Variants in TMEM17 observed in about 807,000 individuals in gnomAD.
The protein encoded by TMEM17 is transmembrane protein 17.
A neutral mutation model predicts 19.1 loss-of-function variants in TMEM17; 15 were observed. The observed-to-expected ratio is 0.78, with a 90% CI of 0.52 to 1.21. The LOEUF is 1.21. Among genes scored for constraint, TMEM17 ranks in the 50% most tolerant of loss-of-function variants. The pLI is 0.00. For missense variants in TMEM17, 245 were observed against 242.3 expected (o/e 1.01, Z -0.07); for synonymous variants, 103 against 86.9 (o/e 1.19, Z -1.03).
At chr2:62,477,119 G>A in the TMEM17 span, among the ~76,000 whole-genome samples, 14 of 152,146 alleles carry the variant, frequency 9.2e-5, no homozygotes, top group African/African-American at 3.1e-4. Flanking sequence ...TCTCACAGCC[G>A]GGAGCAGTGG....
chr2:62,484,461 A>G, the TMEM17 span, among the ~76,000 whole-genome samples: 1 of 152,220 alleles, frequency 6.6e-6, no homozygotes, highest in South Asian at 2.1e-4. Context: ...GAGACTGCTG[A>G]GCATTTGAAA....
At chr2:62,487,486 T>C in the TMEM17 span, among the ~76,000 whole-genome samples, 1 of 152,224 alleles carries the variant, frequency 6.6e-6, no homozygotes, top group Non-Finnish European at 1.5e-5. Flanking sequence ...GGGATTAGGA[T>C]GTAGACATCT....
At chr2:62,480,748 T>C in the TMEM17 span, among the ~76,000 whole-genome samples, 2 of 152,252 alleles carry the variant, frequency 1.3e-5, no homozygotes, top group African/African-American at 4.8e-5. Context: ...CTAGGTTCTC[T>C]ATTCTGTGCC....
At chr2:62,454,727 G>T in the TMEM17 span, among the ~76,000 whole-genome samples, 1 of 152,134 alleles carries the variant, frequency 6.6e-6, no homozygotes, top group African/African-American at 2.4e-5. Context: ...ATTTTGAGAT[G>T]GAGTCTCACT....
the TMEM17 span, among the ~76,000 whole-genome samples, chr2:62,492,469 A>C: frequency 6.6e-6 from 1 of 152,238 alleles, no homozygotes; most frequent in East Asian, 1.9e-4. Context: ...CATTTATCTT[A>C]ACGTAAAAGT....
the TMEM17 span, among the ~76,000 whole-genome samples, chr2:62,455,338 C>T: frequency 6.6e-6 from 1 of 152,210 alleles, no homozygotes; most frequent in African/African-American, 2.4e-5. Flanking sequence ...ACTGCAAATA[C>T]CACATTTTCA....
At chr2:62,454,684 G>A in the TMEM17 span, among the ~76,000 whole-genome samples, 1 of 152,118 alleles carries the variant, frequency 6.6e-6, no homozygotes, top group Non-Finnish European at 1.5e-5. Flanking sequence ...AAAAAACCCA[G>A]CTTTATTTAT....
the TMEM17 span, among the ~76,000 whole-genome samples, chr2:62,478,045 C>CT: frequency 5.9e-5 from 9 of 152,186 alleles, no homozygotes; most frequent in African/African-American, 2.2e-4. Context: ...AGGATCTCTA[C>CT]TTACTGTTTC....
At chr2:62,485,014 T>G in the TMEM17 span, among the ~76,000 whole-genome samples, 1 of 152,386 alleles carries the variant, frequency 6.6e-6, no homozygotes, top group African/African-American at 2.4e-5. Context: ...CTCAGCTTAC[T>G]GCAACCTCCG....
In TMEM17 at chr2:62,502,788, T is replaced by G; in HGVS notation, c.107A>C (p.Glu36Ala). The change falls in exon 2 of 4, where the codon GAA becomes GCA. Residue 36 changes from glutamate (E) to alanine (A), a missense_variant. By Grantham distance (107) the Glu-to-Ala change is moderately radical. Transcript: ENST00000335390. Reference protein sequence around the residue: ...GPESNEGPENEMVSSLALQMS... With the variant: ...GPESNEGPENAMVSSLALQMS... The stretch of plus-strand genomic sequence containing the variant: ...CTGCAGTGCCAAACTGGAGACCATT[T>G]CATTTTCTACAGAAGGAACAGAAAA... 6.3e-7 allele frequency: 1 copy of G among 1,596,606 alleles called. No individual in the cohort carries two copies. Among genetic ancestry groups the G allele is most frequent in the Non-Finnish European group, 8.5e-7 (1 of 1,172,032 alleles).
At chr2:62,456,224 G>C in the TMEM17 span, among the ~76,000 whole-genome samples, 4 of 152,238 alleles carry the variant, frequency 2.6e-5, no homozygotes, top group Non-Finnish European at 5.9e-5. Context: ...TTCTCTTTCA[G>C]TTCTGCAGAT....
At chr2:62,481,921 C>G in the TMEM17 span, among the ~76,000 whole-genome samples, 4 of 152,150 alleles carry the variant, frequency 2.6e-5, no homozygotes, top group Non-Finnish European at 4.4e-5. Flanking sequence ...GGATAGAAAT[C>G]AGTGTCAGTT....
chr2:62,462,071 T>G, the TMEM17 span, among the ~76,000 whole-genome samples: 1 of 152,206 alleles, frequency 6.6e-6, no homozygotes, highest in African/African-American at 2.4e-5. Context: ...CTCAGTGTTT[T>G]CAGCCTGTGG....
the TMEM17 span, among the ~76,000 whole-genome samples, chr2:62,460,911 T>C: frequency 6.6e-6 from 1 of 152,158 alleles, no homozygotes; most frequent in Non-Finnish European, 1.5e-5. Flanking sequence ...GTGCAGGAGA[T>C]GGACATTCAA....
chr2:62,465,841 GGTACCCA>G, the TMEM17 span, among the ~76,000 whole-genome samples: 1 of 152,190 alleles, frequency 6.6e-6, no homozygotes, highest in African/African-American at 2.4e-5. Flanking sequence ...GATGTGGAAA[GGTACCCA>G]GTACGTTTAG....
At chr2:62,499,103 C>A (rs945534532), downstream of TMEM17, among the ~76,000 whole-genome samples, 1 of 152,144 alleles carries the variant, frequency 6.6e-6, no homozygotes, top group African/African-American at 2.4e-5. Context: ...CCCACTGTTA[C>A]TATATCTGCA....
At chr2:62,474,251 G>T in the TMEM17 span, among the ~76,000 whole-genome samples, 1 of 152,208 alleles carries the variant, frequency 6.6e-6, no homozygotes, top group Admixed American at 6.5e-5. Flanking sequence ...CAGTTTTGCA[G>T]TCCAGTTGCT....
the TMEM17 span, among the ~76,000 whole-genome samples, chr2:62,458,552 G>A: frequency 5.9e-5 from 9 of 152,334 alleles, no homozygotes; most frequent in East Asian, 1.9e-4. Context: ...TGGGCAGAGC[G>A]TGACCCATCT....
chr2:62,502,014 T>C (rs1367555810), intron 3 of TMEM17: 1 of 165,200 alleles, frequency 6.1e-6, no homozygotes, highest in South Asian at 1.7e-4. Flanking sequence ...TAACCACAAA[T>C]GCTTAGGCAG....
Sources: allele counts gnomAD v4.1 joint callset (sites outside exome capture counted in the v4.1 genomes callset), GRCh38; gene constraint gnomAD v4.1.1; transcripts MANE v1.5; gene names NCBI Gene and HGNC (gene_info 2026-07-23, HGNC 2026-07-21).